FBLN2: variants seen among roughly 807,000 people sequenced by gnomAD.
FBLN2 encodes the protein fibulin 2, also known as fibulin-2.
Under a neutral mutation model 123.7 loss-of-function variants are expected in FBLN2, and 81 were observed. That is an observed-to-expected ratio of 0.65 (90% CI 0.55 to 0.79). The LOEUF is 0.79. Among genes scored for constraint, FBLN2 ranks in the 30% least tolerant of loss-of-function variants. FBLN2 has a pLI of 0.00. For missense variants in FBLN2, 1,603 were observed against 1,681.3 expected (o/e 0.95, Z 0.81); for synonymous variants, 699 against 701.4 (o/e 1.00, Z 0.05).
intron 1 of FBLN2, among the ~76,000 whole-genome samples, chr3:13,561,431 G>A (rs1009678470): frequency 1.4e-5 from 2 of 147,328 alleles, no homozygotes; most frequent in African/African-American, 2.5e-5. Flanking sequence ...CCACCCCCCC[G>A]CCACCTCTAT....
intron 2 of FBLN2, among the ~76,000 whole-genome samples, chr3:13,603,866 G>C (rs532888999): frequency 6.6e-6 from 1 of 152,274 alleles, no homozygotes; most frequent in South Asian, 2.1e-4. Flanking sequence ...GTGTAAAAGC[G>C]TTCCTATTTC....
intron 16 of FBLN2, among the ~76,000 whole-genome samples, chr3:13,631,697 G>A (rs1184326178): frequency 6.6e-6 from 1 of 152,200 alleles, no homozygotes; most frequent in Non-Finnish European, 1.5e-5. Context: ...CTCAGCTCTG[G>A]ACCCTGCCCT....
At chr3:13,634,194 G>A (rs3773254) in intron 16 of FBLN2, among the ~76,000 whole-genome samples, 65,565 of 152,016 alleles carry the variant, frequency 0.43, 14,876 homozygotes, top group East Asian at 0.66. Flanking sequence ...CCCCTGTTTC[G>A]TCCTTTTTGC....
Position 13,570,617 on chromosome 3 carries a change from TC to T in FBLN2, c.264del (p.Tyr89IlefsTer37). On this transcript the variant is annotated frameshift_variant, in exon 2 of 18. Coordinates refer to ENST00000404922, the MANE Select transcript of FBLN2 (RefSeq NM_001004019.2). LOFTEE classifies it high-confidence loss of function. Reference protein sequence around the residue: ...FVRGRVPAGQSYFVDFGSTEC... With the variant: ...FVRGRVPAGQXYFVDFGSTEC... The stretch of plus-strand genomic sequence containing the variant: ...GCGCGGCCGCGTGCCCGCCGGTCAG[TC>T]CTATTTTGTGGACTTCGGGAGCACT... 6.3e-7 allele frequency: 1 copy of T among 1,580,398 alleles called. No homozygotes were observed.
chr3:13,626,547 C>T lies in FBLN2; in HGVS notation c.2399C>T (p.Pro800Leu). 1 of 1,552,948 alleles carries T rather than the reference C, an allele frequency of 6.4e-7. No individual in the cohort carries two copies. The highest frequency in any genetic ancestry group is 1.7e-4 in the Middle Eastern group (1 of 5,986). Reference sequence around the variant, plus strand: ...TGCTACAAGGCACTCACCTGTGAGCCAGGCTATGCCCTCAAGGATGGCGAG... The same window carrying T: ...TGCTACAAGGCACTCACCTGTGAGCTAGGCTATGCCCTCAAGGATGGCGAG... ...FHCYKALTCE[P>L]GYALKDGECE... Residue 800 changes from proline (P) to leucine (L), a missense_variant, in exon 10 of 18, where the codon CCA becomes CTA. Coordinates refer to ENST00000404922, the MANE Select transcript of FBLN2 (RefSeq NM_001004019.2).
intron 2 of FBLN2, among the ~76,000 whole-genome samples, chr3:13,596,573 A>G (rs909755268): frequency 1.8e-4 from 27 of 152,200 alleles, no homozygotes; most frequent in Admixed American, 5.9e-4. Flanking sequence ...ATCACATAAC[A>G]TGACATTTTC....
chr3:13,576,779 G>T (rs1415085629), intron 2 of FBLN2, among the ~76,000 whole-genome samples: 14 of 151,448 alleles, frequency 9.2e-5, no homozygotes, highest in Admixed American at 9.2e-4. Flanking sequence ...CCAACTGTGT[G>T]CAGGCCCTGC....
chr3:13,605,370 G>GT (rs1482281432), intron 2 of FBLN2, among the ~76,000 whole-genome samples: 8 of 152,130 alleles, frequency 5.3e-5, no homozygotes, highest in Admixed American at 4.6e-4. Flanking sequence ...TCATCAGTGT[G>GT]TTTTTTGCTG....
intron 1 of FBLN2, among the ~76,000 whole-genome samples, chr3:13,557,472 C>T (rs544361758): frequency 6.6e-6 from 1 of 152,324 alleles, no homozygotes; most frequent in South Asian, 2.1e-4. Flanking sequence ...TGGCTGTATC[C>T]AGGGCCTCTG....
chr3:13,590,977 T>C (rs181738060), intron 2 of FBLN2, among the ~76,000 whole-genome samples: 54 of 152,376 alleles, frequency 3.5e-4, no homozygotes, highest in African/African-American at 1.3e-3. Context: ...TAGCAGATAC[T>C]GCCAAATGGT....
At chr3:13,574,091 C>T (rs931715237) in intron 2 of FBLN2, among the ~76,000 whole-genome samples, 10 of 152,144 alleles carry the variant, frequency 6.6e-5, no homozygotes, top group Non-Finnish European at 1.2e-4. Context: ...CACAGAGCGC[C>T]GAGCACGGTG....
chr3:13,618,552 C>G (rs569604376), intron 6 of FBLN2, among the ~76,000 whole-genome samples: 1 of 152,236 alleles, frequency 6.6e-6, no homozygotes, highest in African/African-American at 2.4e-5. Flanking sequence ...CACAGAGGCT[C>G]TCACCAAAAC....
intron 16 of FBLN2, among the ~76,000 whole-genome samples, chr3:13,633,843 G>A (rs1029720479): frequency 3.3e-5 from 5 of 152,148 alleles, no homozygotes; most frequent in African/African-American, 1.2e-4. Context: ...CCAGCACATA[G>A]TAGGTGCTCA....
chr3:13,592,380 C>T (rs1704706001), intron 2 of FBLN2, among the ~76,000 whole-genome samples: 1 of 152,200 alleles, frequency 6.6e-6, no homozygotes, highest in South Asian at 2.1e-4. Context: ...ACCATTACCA[C>T]TCTGTCTTGA....
At chr3:13,587,327 G>T (rs1237706028) in intron 2 of FBLN2, among the ~76,000 whole-genome samples, 2 of 152,030 alleles carry the variant, frequency 1.3e-5, no homozygotes, top group African/African-American at 4.8e-5. Flanking sequence ...TAAGCTAAGA[G>T]GAATTTATTA....
intron 2 of FBLN2, among the ~76,000 whole-genome samples, chr3:13,603,035 C>T (rs1283445782): frequency 1.3e-5 from 2 of 151,716 alleles, no homozygotes; most frequent in Non-Finnish European, 2.9e-5. Context: ...CTCAGCCTCC[C>T]AAGTAGCTGG....
intron 2 of FBLN2, among the ~76,000 whole-genome samples, chr3:13,588,808 G>A (rs529200894): frequency 2.6e-5 from 4 of 152,336 alleles, no homozygotes; most frequent in African/African-American, 7.2e-5. Context: ...AAATACTGGT[G>A]TGGGAACACC....
chr3:13,619,714 G>A lies in FBLN2; in HGVS notation c.2054-16G>A. On this transcript the variant is annotated splice_polypyrimidine_tract_variant and intron_variant, in intron 7 of 17. Coordinates refer to ENST00000404922, the MANE Select transcript of FBLN2 (RefSeq NM_001004019.2). ...CAGGGCCTGGTGGTCTCTGATTTCT[G>A]TGTGGTTTCCTCCAGACAATGGACC... The A allele has an allele frequency of 1.2e-6, 2 of 1,610,394 alleles. No homozygotes were observed. The highest frequency in any genetic ancestry group is 1.7e-4 in the Middle Eastern group (1 of 6,054).
chr3:13,576,899 A>T (rs891615483), intron 2 of FBLN2, among the ~76,000 whole-genome samples: 1 of 152,208 alleles, frequency 6.6e-6, no homozygotes, highest in Admixed American at 6.5e-5. Context: ...CATGGGAATT[A>T]TCTGCTGTAA....
Sources: allele counts gnomAD v4.1 joint callset (sites outside exome capture counted in the v4.1 genomes callset), GRCh38; gene constraint gnomAD v4.1.1; transcripts MANE v1.5; gene names NCBI Gene and HGNC (gene_info 2026-07-23, HGNC 2026-07-21).